TDRD15: variants seen among roughly 807,000 people sequenced by gnomAD.
The protein encoded by TDRD15 is tudor domain containing 15.
For missense variants in TDRD15, 1,416 were observed against 904.7 expected (o/e 1.57, Z -7.25); for synonymous variants, 503 against 314.5 (o/e 1.60, Z -6.34).
Position 21,142,411 on chromosome 2 carries a change from T to C in TDRD15, c.4944T>C (p.Ser1648=), listed in dbSNP as rs1665953800. 1.4e-6 allele frequency: 1 copy of C among 707,812 alleles called. No homozygotes were observed. 43.8% of individuals were successfully genotyped at this position (707,812 alleles called of 1,614,324 possible). Residue 1648 remains serine, a synonymous_variant, in exon 4 of 4, where the codon TCT becomes TCC. Transcript: ENST00000405799. ...GTAAATGGATTTGGTTTGAAAATTC[T>C]AAGAACATATCATTTGAGTGCTTAT... The part of the protein sequence containing the change: ...VPCKWIWFEN[S]KNISFECLFA...
In TDRD15 at chr2:21,139,122, T is replaced by C; in HGVS notation, c.1655T>C (p.Val552Ala). Residue 552 changes from valine to alanine, a missense_variant, in exon 4 of 4, where the codon GTC becomes GCC. Transcript: ENST00000405799. ...YSKDRRFYRA[V>A]ITEINGYKIN... Reference sequence around the variant, plus strand: ...AAGGACAGACGTTTTTACAGAGCTGTCATCACTGAAATTAATGGTTATAAG... The same window carrying C: ...AAGGACAGACGTTTTTACAGAGCTGCCATCACTGAAATTAATGGTTATAAG... 1 of 713,830 alleles carries C rather than the reference T, an allele frequency of 1.4e-6. No individual in the cohort carries two copies. The highest frequency in any genetic ancestry group is 2.6e-6 in the Non-Finnish European group (1 of 383,584). 44.2% of individuals were successfully genotyped at this position (713,830 alleles called of 1,614,324 possible). A position where few individuals can be genotyped will look rare whatever the true frequency, so the allele number is the denominator to read the frequency against.
chr2:21,142,394 A>T lies in TDRD15; in HGVS notation c.4927A>T (p.Ile1643Phe), dbSNP rs1233715432. The change falls in exon 4 of 4, where the codon ATT becomes TTT. Residue 1643 changes from isoleucine (I) to phenylalanine (F), a missense_variant. Physicochemically the swap from Ile to Phe is conservative, Grantham distance 21. Transcript: ENST00000405799. ...TAGACAAGCTGTACCTTGTAAATGG[A>T]TTTGGTTTGAAAATTCTAAGAACAT... ...IPRQAVPCKWIWFENSKNISF... is the reference protein window; with the variant it reads ...IPRQAVPCKWFWFENSKNISF... The T allele has an allele frequency of 1.4e-6, 1 of 705,176 alleles. No homozygotes were observed. Among genetic ancestry groups the T allele is most frequent in the Non-Finnish European group, 2.6e-6 (1 of 380,766 alleles). 43.7% of individuals were successfully genotyped at this position (705,176 alleles called of 1,614,324 possible).
downstream of TDRD15, among the ~76,000 whole-genome samples, chr2:21,147,067 A>G (rs1217545720): frequency 2.0e-5 from 3 of 152,132 alleles, no homozygotes; most frequent in Non-Finnish European, 2.9e-5. Flanking sequence ...AAAGCATTTC[A>G]GTGTTGCCTG....
chr2:21,139,416 T>C lies in TDRD15; in HGVS notation c.1949T>C (p.Ile650Thr), dbSNP rs1395062684. The C allele has an allele frequency of 1.4e-6, 1 of 712,634 alleles. No homozygotes were observed. Among genetic ancestry groups the C allele is most frequent in the Non-Finnish European group, 2.6e-6 (1 of 383,396 alleles). 44.1% of individuals were successfully genotyped at this position (712,634 alleles called of 1,614,324 possible). The change falls in exon 4 of 4, where the codon ATT becomes ACT. Residue 650 changes from isoleucine to threonine, a missense_variant. Ile to Thr is a moderately conservative substitution (Grantham distance 89). Coordinates refer to ENST00000405799, the MANE Select transcript of TDRD15 (RefSeq NM_001306137.2). ...CAAAGTGTTGAAGCCTCAGAAAATA[T>C]TGATGTTATCTCTCTTATGTTACAA... ...NIQSVEASEN[I>T]DVISLMLQAG... is the part of the protein sequence containing the mutation.
At position 21,141,410 on chromosome 2, in the gene TDRD15, G is replaced by A. The variant is rs1340248010; in HGVS notation, c.3943G>A (p.Ala1315Thr). 1 of 713,254 alleles carries A rather than the reference G, an allele frequency of 1.4e-6. No homozygotes were observed. The highest frequency in any genetic ancestry group is 1.5e-5 in the South Asian group (1 of 66,848). The allele number at this position is 713,254 out of a possible 1,614,324, so 44.2% of individuals were successfully genotyped here. ...SNPANFHIQL[A>T]ENESVIIRLA... The stretch of plus-strand genomic sequence containing the variant: ...TCCAGCGAATTTCCATATTCAGCTT[G>A]CTGAGAATGAAAGTGTAATTATCAG... Residue 1315 changes from alanine to threonine, a missense_variant, in exon 4 of 4, where the codon GCT (alanine) becomes ACT (threonine). Transcript: ENST00000405799.
chr2:21,132,837 C>G (rs1665744456), intron 2 of TDRD15, among the ~76,000 whole-genome samples: 1 of 152,022 alleles, frequency 6.6e-6, no homozygotes, highest in South Asian at 2.1e-4. Context: ...TTTGCTCTCA[C>G]TAAAGCAGAG....
rs1370293185 is a variant in TDRD15, at chr2:21,141,123, C to G, written c.3656C>G (p.Pro1219Arg). 1 of 710,826 alleles carries G rather than the reference C, an allele frequency of 1.4e-6. No individual in the cohort carries two copies. Among genetic ancestry groups the G allele is most frequent in the Admixed American group, 2.1e-5 (1 of 48,714 alleles). 44.0% of individuals were successfully genotyped at this position (710,826 alleles called of 1,614,324 possible). A position where few individuals can be genotyped will look rare whatever the true frequency, so the allele number is the denominator to read the frequency against. Reference protein sequence around the residue: ...LKPSVCYKMEPVSKNKMKTSL... With the variant: ...LKPSVCYKMERVSKNKMKTSL... ...CCATCAGTTTGTTATAAAATGGAAC[C>G]TGTGTCAAAAAACAAAATGAAGACT... The change falls in exon 4 of 4, where the codon CCT (proline) becomes CGT (arginine). Residue 1219 changes from proline (P) to arginine (R), a missense_variant. Coordinates refer to ENST00000405799, the MANE Select transcript of TDRD15 (RefSeq NM_001306137.2).
Position 21,137,914 on chromosome 2 carries a change from A to G in TDRD15, c.447A>G (p.Gly149=). 1.4e-6 allele frequency: 1 copy of G among 716,616 alleles called. No individual in the cohort carries two copies. Among genetic ancestry groups the G allele is most frequent in the Non-Finnish European group, 2.6e-6 (1 of 384,492 alleles). 44.4% of individuals were successfully genotyped at this position (716,616 alleles called of 1,614,324 possible). A position where few individuals can be genotyped will look rare whatever the true frequency, so the allele number is the denominator to read the frequency against. The change falls in exon 4 of 4, where the codon GGA becomes GGG. Residue 149 remains glycine (G), a synonymous_variant. Coordinates refer to ENST00000405799, the MANE Select transcript of TDRD15 (RefSeq NM_001306137.2). The part of the protein sequence containing the change: ...KALNYFKSLV[G]IQVKGYVQAI... The stretch of plus-strand genomic sequence containing the variant: ...TGAATTATTTCAAGTCATTAGTAGG[A>G]ATACAAGTGAAAGGTTATGTGCAAG...
Position 21,138,680 on chromosome 2 carries a change from G to C in TDRD15, c.1213G>C (p.Glu405Gln). 1 of 715,664 alleles carries C rather than the reference G, an allele frequency of 1.4e-6. No homozygotes were observed. The highest frequency in any genetic ancestry group is 2.6e-6 in the Non-Finnish European group (1 of 384,116). The allele number at this position is 715,664 out of a possible 1,614,324, so 44.3% of individuals were successfully genotyped here. The change falls in exon 4 of 4, where the codon GAG (glutamate) becomes CAG (glutamine). Residue 405 changes from glutamate to glutamine, a missense_variant. By Grantham distance (29) the Glu-to-Gln change is conservative. Coordinates refer to ENST00000405799, the MANE Select transcript of TDRD15 (RefSeq NM_001306137.2). ...CLYYVTLQTQ[E>Q]STVNSKCLLK... is the part of the protein sequence containing the mutation. ...GTATTATGTGACATTACAAACTCAAGAGTCTACAGTTAATTCTAAGTGTCT... is the reference window on the plus strand; with the variant it reads ...GTATTATGTGACATTACAAACTCAACAGTCTACAGTTAATTCTAAGTGTCT...
At position 21,141,860 on chromosome 2, in the gene TDRD15, G is replaced by A. The variant is rs1247593855; in HGVS notation, c.4393G>A (p.Glu1465Lys). 1 of 715,168 alleles carries A rather than the reference G, an allele frequency of 1.4e-6. No homozygotes were observed. The highest frequency in any genetic ancestry group is 2.6e-6 in the Non-Finnish European group (1 of 383,660). The allele number at this position is 715,168 out of a possible 1,614,324, so 44.3% of individuals were successfully genotyped here. Residue 1465 changes from glutamate (E) to lysine (K), a missense_variant, in exon 4 of 4, where the codon GAA becomes AAA. Coordinates refer to ENST00000405799, the MANE Select transcript of TDRD15 (RefSeq NM_001306137.2). ...MICDEKCVIN[E>K]LLKWKACSKL... ...TTGTGATGAAAAATGTGTCATTAAT[G>A]AACTACTGAAATGGAAAGCATGTTC...
At chr2:21,131,984 G>C (rs1246872563) in intron 2 of TDRD15, among the ~76,000 whole-genome samples, 1 of 152,088 alleles carries the variant, frequency 6.6e-6, no homozygotes, top group Non-Finnish European at 1.5e-5. Flanking sequence ...GGACTATTAA[G>C]TTTGTGGGAG....
At chr2:21,134,519 T>C (rs1018600854) in intron 2 of TDRD15, among the ~76,000 whole-genome samples, 1 of 151,962 alleles carries the variant, frequency 6.6e-6, no homozygotes, top group Non-Finnish European at 1.5e-5. Flanking sequence ...CTATCAAACA[T>C]CATAATAAGT....
rs1473911626 is a variant in TDRD15, at chr2:21,143,227, T to C, written c.5760T>C (p.His1920=). ...CAACTTATTCTAAAGATTCACCTCA[T>C]CTTGATGCAATTACTGCTACTGAAT... is the stretch of plus-strand genomic sequence containing the variant. The part of the protein sequence containing the change: ...GLATYSKDSP[H]LDAITATESA... Residue 1920 remains histidine, a synonymous_variant, in exon 4 of 4, where the codon CAT becomes CAC. Coordinates refer to ENST00000405799, the MANE Select transcript of TDRD15 (RefSeq NM_001306137.2). 1.5e-6 allele frequency: 1 copy of C among 659,196 alleles called. No individual in the cohort carries two copies. The highest frequency in any genetic ancestry group is 1.8e-5 in the African/African-American group (1 of 54,896). 40.8% of individuals were successfully genotyped at this position (659,196 alleles called of 1,614,324 possible).
intron 3 of TDRD15, 46 bp from the exon 4 acceptor site, chr2:21,137,419 G>A (rs1401408396): frequency 6.9e-6 from 4 of 578,416 alleles, no homozygotes; most frequent in Admixed American, 3.5e-5. Context: ...AAGGCTAATT[G>A]CAGTTAACTT....
In TDRD15 at chr2:21,140,522, A is replaced by C. The variant is rs569495116; in HGVS notation, c.3055A>C (p.Ile1019Leu). The change falls in exon 4 of 4, where the codon ATA (isoleucine) becomes CTA (leucine). Residue 1019 changes from isoleucine (I) to leucine (L), a missense_variant. By Grantham distance (5) the Ile-to-Leu change is conservative. Transcript: ENST00000405799. ...TGATTCTAATAAAATGAGAGTGTGC[A>C]TATCTAAGTATGTAGAGGATGGTCT... ...KYDSNKMRVC[I>L]SKYVEDGLSY... The C allele has an allele frequency of 1.4e-6, 1 of 695,048 alleles. No homozygotes were observed. Among genetic ancestry groups the C allele is most frequent in the South Asian group, 1.6e-5 (1 of 62,540 alleles). 43.1% of individuals were successfully genotyped at this position (695,048 alleles called of 1,614,324 possible). A position where few individuals can be genotyped will look rare whatever the true frequency, so the allele number is the denominator to read the frequency against.
At position 21,143,729 on chromosome 2, in the gene TDRD15, T is replaced by C. The variant is rs1003319213; in HGVS notation, c.*457T>C. 6.6e-6 allele frequency among the ~76,000 whole-genome samples: 1 copy of C among 151,792 alleles called. No homozygotes were observed. The highest frequency in any genetic ancestry group is 1.5e-5 in the Non-Finnish European group (1 of 67,764). ...TAGATTATTTTCTGTAGATTCTTTT[T>C]ATTTGATTCTTTAAAAGTTTTTCAT... On this transcript the variant is annotated 3_prime_UTR_variant, in exon 4 of 4. Coordinates refer to ENST00000405799, the MANE Select transcript of TDRD15 (RefSeq NM_001306137.2).
Position 21,138,331 on chromosome 2 carries a change from G to C in TDRD15, c.864G>C (p.Thr288=). ...YDTVCQETSP[T]CDNFGLLCVA... The stretch of plus-strand genomic sequence containing the variant: ...CCGTCTGTCAAGAAACTAGTCCCAC[G>C]TGTGATAATTTTGGACTGCTTTGTG... Residue 288 remains threonine, a synonymous_variant, in exon 4 of 4, where the codon ACG becomes ACC. Transcript: ENST00000405799. 1.4e-6 allele frequency: 1 copy of C among 716,524 alleles called. No homozygotes were observed. The highest frequency in any genetic ancestry group is 2.6e-6 in the Non-Finnish European group (1 of 384,440). 44.4% of individuals were successfully genotyped at this position (716,524 alleles called of 1,614,324 possible). A position where few individuals can be genotyped will look rare whatever the true frequency, so the allele number is the denominator to read the frequency against.
chr2:21,138,440 G>A lies in TDRD15; in HGVS notation c.973G>A (p.Asp325Asn). ...PPNQVKIWFM[D>N]YGSSEAIPSI... The stretch of plus-strand genomic sequence containing the variant: ...AAATCAAGTAAAAATTTGGTTTATG[G>A]ATTATGGCAGTAGCGAGGCTATACC... The change falls in exon 4 of 4, where the codon GAT (aspartate) becomes AAT (asparagine). Residue 325 changes from aspartate to asparagine, a missense_variant. Transcript: ENST00000405799. 2 of 715,518 alleles carry A rather than the reference G, an allele frequency of 2.8e-6. No individual in the cohort carries two copies. The highest frequency in any genetic ancestry group is 5.2e-6 in the Non-Finnish European group (2 of 384,060). The allele number at this position is 715,518 out of a possible 1,614,324, so 44.3% of individuals were successfully genotyped here.
Position 21,140,796 on chromosome 2 carries a change from T to C in TDRD15, c.3329T>C (p.Ile1110Thr), listed in dbSNP as rs1283695520. The part of the protein sequence containing the change: ...DNFLGRSLKA[I>T]ILSQESDGQL... The stretch of plus-strand genomic sequence containing the variant: ...TTCTTGGGAAGATCATTAAAGGCGA[T>C]AATATTGTCCCAGGAGTCAGATGGA... Residue 1110 changes from isoleucine to threonine, a missense_variant, in exon 4 of 4, where the codon ATA becomes ACA. Coordinates refer to ENST00000405799, the MANE Select transcript of TDRD15 (RefSeq NM_001306137.2). The C allele has an allele frequency of 1.4e-6, 1 of 715,476 alleles. No homozygotes were observed. Among genetic ancestry groups the C allele is most frequent in the Admixed American group, 2.0e-5 (1 of 49,902 alleles). The allele number at this position is 715,476 out of a possible 1,614,324, so 44.3% of individuals were successfully genotyped here.
Sources: gnomAD v4.1 joint callset for allele counts (sites outside exome capture counted in the v4.1 genomes callset) on GRCh38, gnomAD v4.1.1 for gene constraint, MANE v1.5 for transcripts, NCBI Gene and HGNC (gene_info 2026-07-23, HGNC 2026-07-21) for gene names.